Variants in PPP2R5C observed in about 807,000 individuals in gnomAD.
PPP2R5C encodes the protein serine/threonine-protein phosphatase 2A 56 kDa regulatory subunit gamma isoform.
A neutral mutation model predicts 68.9 loss-of-function variants in PPP2R5C; 7 were observed. That is an observed-to-expected ratio of 0.10 (90% confidence interval 0.06 to 0.19). PPP2R5C has a LOEUF of 0.19. Among genes scored for constraint, PPP2R5C ranks in the 10% least tolerant of loss-of-function variants. The pLI is 1.00. For missense variants in PPP2R5C, 348 were observed against 641.3 expected (o/e 0.54, Z 4.94); for synonymous variants, 210 against 222.2 (o/e 0.95, Z 0.49).
At chr14:101,905,878 G>A (rs8021069) in intron 9 of PPP2R5C, among the ~76,000 whole-genome samples, 2 of 151,892 alleles carry the variant, frequency 1.3e-5, no homozygotes, top group South Asian at 2.1e-4. Flanking sequence ...CCACCCCACC[G>A]CACACGCACC....
intron 2 of PPP2R5C, among the ~76,000 whole-genome samples, chr14:101,873,059 G>A (rs796088645): frequency 1.8e-4 from 27 of 150,934 alleles, no homozygotes; most frequent in African/African-American, 6.6e-4. Context: ...TTTTAATTAA[G>A]TGAGCAAATT....
chr14:101,808,383 G>A (rs1306874164), upstream of PPP2R5C, among the ~76,000 whole-genome samples: 1 of 152,174 alleles, frequency 6.6e-6, no homozygotes, highest in African/African-American at 2.4e-5. Context: ...ACTTGTGTTA[G>A]AAATCACATC....
At chr14:101,816,079 A>G (rs1006319280) in intron 1 of PPP2R5C, among the ~76,000 whole-genome samples, 12 of 152,242 alleles carry the variant, frequency 7.9e-5, no homozygotes, top group Admixed American at 7.2e-4. Flanking sequence ...AACGTATTTC[A>G]ATGAAAAACA....
chr14:101,858,974 C>T (rs1032057058), intron 2 of PPP2R5C, among the ~76,000 whole-genome samples: 2 of 152,284 alleles, frequency 1.3e-5, no homozygotes, highest in South Asian at 2.1e-4. Context: ...GTCATCATTG[C>T]CTCTCCTCTC....
intron 1 of PPP2R5C, among the ~76,000 whole-genome samples, chr14:101,832,406 A>G (rs1029589518): frequency 2.6e-5 from 4 of 152,208 alleles, no homozygotes; most frequent in Admixed American, 2.0e-4. Flanking sequence ...TTCTTGGGTT[A>G]TTATTGCTTA....
At position 101,903,551 on chromosome 14, in the gene PPP2R5C, C is replaced by T. The variant is rs376060481; in HGVS notation, c.1023+1662C>T. Among the ~76,000 whole-genome samples, 116 of 152,364 alleles carry T rather than the reference C, an allele frequency of 7.6e-4. 3 individuals are homozygous for T. The East Asian group carries it at 0.021, about 27-fold the overall frequency. ...CAGGCCCAGCCCCCCAACTCGCCCT[C>T]GTCTGTGTCCCCCACGCACGCTTGC... On this transcript the variant is annotated intron_variant, in intron 9 of 13. Transcript: ENST00000334743.
intron 2 of PPP2R5C, among the ~76,000 whole-genome samples, chr14:101,779,378 ATGG>A (rs770823650): frequency 6.6e-6 from 1 of 152,052 alleles, no homozygotes; most frequent in Non-Finnish European, 1.5e-5. Flanking sequence ...CACTGAGGAG[ATGG>A]TGGGGCCTGG....
chr14:101,863,509 A>T (rs932780500), intron 2 of PPP2R5C, among the ~76,000 whole-genome samples: 1 of 152,206 alleles, frequency 6.6e-6, no homozygotes, highest in Non-Finnish European at 1.5e-5. Flanking sequence ...TGAGGAGTTT[A>T]GTAGGGGCCT....
At chr14:101,855,785 C>A (rs982292244) in intron 1 of PPP2R5C, among the ~76,000 whole-genome samples, 1 of 152,152 alleles carries the variant, frequency 6.6e-6, no homozygotes, top group African/African-American at 2.4e-5. Context: ...AATACTGGAC[C>A]GTCATTCAGA....
In PPP2R5C at chr14:101,913,728, C is replaced by T. The variant is rs1378586054; in HGVS notation, c.1326+1255C>T. On this transcript the variant is annotated intron_variant, in intron 12 of 13. Coordinates refer to ENST00000334743, the Ensembl canonical transcript of PPP2R5C. This position sits in a 1 kb window ranked among gnomAD's most constrained non-coding sequence, Gnocchi z 4.1. ...TATAAACCTGGGCAAGTTTATAAGG[C>T]CCAGCCCTGCCTGACGCTGCCCTGC... is the stretch of plus-strand genomic sequence containing the variant. Among the ~76,000 whole-genome samples, 1 of 152,160 alleles carries T rather than the reference C, an allele frequency of 6.6e-6. No individual in the cohort carries two copies. The highest frequency in any genetic ancestry group is 1.5e-5 in the Non-Finnish European group (1 of 68,036).
At chr14:101,832,288 C>T (rs190629474) in intron 1 of PPP2R5C, among the ~76,000 whole-genome samples, 7 of 152,336 alleles carry the variant, frequency 4.6e-5, no homozygotes, top group Admixed American at 3.9e-4. Context: ...GTGCACACCA[C>T]TGCTAACGGC....
At chr14:101,777,939 T>A (rs551818156) in intron 2 of PPP2R5C, among the ~76,000 whole-genome samples, 2 of 150,786 alleles carry the variant, frequency 1.3e-5, no homozygotes, top group African/African-American at 4.9e-5. Context: ...TACCTGGCTA[T>A]TTTTTTTTAA....
chr14:101,896,832 G>A (rs1260806367), intron 8 of PPP2R5C, among the ~76,000 whole-genome samples: 4 of 152,006 alleles, frequency 2.6e-5, no homozygotes, highest in African/African-American at 9.7e-5. Context: ...TCACTCCTGG[G>A]CCCTTTCTCT....
Position 101,899,552 on chromosome 14 carries a change from G to A in PPP2R5C, c.853-2167G>A, listed in dbSNP as rs1171646929. Among the ~76,000 whole-genome samples, 2 of 152,248 alleles carry A rather than the reference G, an allele frequency of 1.3e-5. No homozygotes were observed. Among genetic ancestry groups the A allele is most frequent in the South Asian group, 2.1e-4 (1 of 4,832 alleles). ...CCAAACAATGTGAACAGGAAGGCCC[G>A]TGTGTGAATCCGATCCCAGAAATGA... On this transcript the variant is annotated intron_variant, in intron 8 of 13. Coordinates refer to ENST00000334743, the Ensembl canonical transcript of PPP2R5C. This position sits in a 1 kb window ranked among gnomAD's most constrained non-coding sequence, Gnocchi z 4.2.
rs758821759 is a variant in PPP2R5C at position 101,882,294 on chromosome 14, C to T, written c.405+23C>T. The T allele has an allele frequency of 6.4e-7, 1 of 1,558,634 alleles. No individual in the cohort carries two copies. The highest frequency in any genetic ancestry group is 8.8e-7 in the Non-Finnish European group (1 of 1,138,084). On this transcript the variant is annotated intron_variant, in intron 3 of 13. Coordinates refer to ENST00000334743, the Ensembl canonical transcript of PPP2R5C. The surrounding 1 kb of genome is among the most constrained non-coding windows in gnomAD (Gnocchi z 4.9). ...CAGGTATCGGGCTCTGGGTGATAGA[C>T]TCGGAGGGCACTGGTGACACATGGG...
At position 101,819,104 on chromosome 14, in the gene PPP2R5C, T is replaced by C. The variant is rs527827689; in HGVS notation, c.94+9068T>C. On this transcript the variant is annotated intron_variant, in intron 1 of 13. Transcript: ENST00000334743. ...GGAAGAGGTGGGTGGTGAGGGTGTC[T>C]GTATATGTGTGTTTACATTTGTAGA... 7 of 1,507,694 alleles carry C rather than the reference T, an allele frequency of 4.6e-6. No individual in the cohort carries two copies. The South Asian group carries it at 8.4e-5, about 18-fold the overall frequency. The allele number at this position is 1,507,694 out of a possible 1,614,324, so 93.4% of individuals were successfully genotyped here.
At chr14:101,864,904 G>C (rs942675535) in intron 2 of PPP2R5C, among the ~76,000 whole-genome samples, 1 of 152,178 alleles carries the variant, frequency 6.6e-6, no homozygotes, top group African/African-American at 2.4e-5. Context: ...TCAGAATGAC[G>C]CATGAAGGGA....
At chr14:101,868,467 A>G (rs187718562) in intron 2 of PPP2R5C, among the ~76,000 whole-genome samples, 1 of 152,254 alleles carries the variant, frequency 6.6e-6, no homozygotes, top group Admixed American at 6.5e-5. Flanking sequence ...CAATCAGCCA[A>G]TTCATGTTTA....
intron 11 of PPP2R5C, 72 bp downstream of exon 13, chr14:101,909,762 T>C (rs765549377): frequency 1.2e-5 from 14 of 1,161,290 alleles, no homozygotes; most frequent in Non-Finnish European, 1.7e-5. Flanking sequence ...TCTTCCACTG[T>C]TTTGTCCTAA....
Sources: gnomAD v4.1 joint callset for allele counts (sites outside exome capture counted in the v4.1 genomes callset) on GRCh38, gnomAD v4.1.1 for gene constraint, Gnocchi (gnomAD v3.1) non-coding constraint, MANE v1.5 for transcripts, NCBI Gene and HGNC (gene_info 2026-07-23, HGNC 2026-07-21) for gene names.